Variants in KALRN observed in about 807,000 individuals in gnomAD.
KALRN encodes kalirin.
In KALRN, 70 loss-of-function variants were observed where a neutral mutation model predicts 353.7. That is an observed-to-expected ratio of 0.20 (90% CI 0.16 to 0.24). KALRN has a LOEUF of 0.24. KALRN is among the 10% of genes least tolerant of loss of function. KALRN has a pLI of 1.00. For synonymous variants in KALRN, 1,391 were observed against 1,434.8 expected (o/e 0.97, Z 0.69); for missense variants, 2,791 against 3,756.7 (o/e 0.74, Z 6.72).
At chr3:124,326,446 T>G (rs535492140) in intron 7 of KALRN, among the ~76,000 whole-genome samples, 17 of 152,320 alleles carry the variant, frequency 1.1e-4, no homozygotes, top group African/African-American at 3.8e-4. Flanking sequence ...TTGGTAGTGG[T>G]TGCATGTGCG....
intron 1 of KALRN, among the ~76,000 whole-genome samples, chr3:124,051,515 G>C (rs2041045282): frequency 6.6e-6 from 1 of 152,290 alleles, no homozygotes; most frequent in Admixed American, 6.5e-5. Flanking sequence ...CAAGGATGTG[G>C]TAAATAAGAC....
At chr3:124,446,939 C>A in intron 21 of KALRN, 54 bp downstream of exon 21, 1 of 1,586,420 alleles carries the variant, frequency 6.3e-7, no homozygotes, top group South Asian at 1.1e-5. Flanking sequence ...TCCATTCTGG[C>A]CAATTTCACA....
intron 33 of KALRN, among the ~76,000 whole-genome samples, chr3:124,508,083 A>G (rs1416584711): frequency 1.3e-5 from 2 of 152,212 alleles, no homozygotes; most frequent in African/African-American, 4.8e-5. Context: ...TCTTATTTCT[A>G]TAGATAAAAT....
intron 33 of KALRN, chr3:124,519,570 G>T: frequency 1.0e-6 from 1 of 985,336 alleles, no homozygotes; most frequent in Non-Finnish European, 1.2e-6. Context: ...GGAGGGCAGG[G>T]TAAAGGGATC....
At position 124,279,222 on chromosome 3, in the gene KALRN, G is replaced by A. The variant is rs374351852; in HGVS notation, c.969+9967G>A. Among the ~76,000 whole-genome samples, 25 of 152,332 alleles carry A rather than the reference G, an allele frequency of 1.6e-4. No individual in the cohort carries two copies. The South Asian group carries it at 5.2e-3, about 32-fold the overall frequency. ...TCCCTGCTGGGCCACTTGTAGCTGA[G>A]TGACTGTGTTCAGTTCACCCCCTCT... On this transcript the variant is annotated intron_variant, in intron 5 of 59. Transcript: ENST00000682506.
At chr3:124,563,457 A>C (rs2072319629) in intron 34 of KALRN, among the ~76,000 whole-genome samples, 1 of 151,664 alleles carries the variant, frequency 6.6e-6, no homozygotes, top group Non-Finnish European at 1.5e-5. Flanking sequence ...CCACTGACCC[A>C]CTCCCGCTCC....
At chr3:124,444,191 C>T (rs2093755410) in intron 19 of KALRN, among the ~76,000 whole-genome samples, 1 of 152,216 alleles carries the variant, frequency 6.6e-6, no homozygotes, top group Non-Finnish European at 1.5e-5. Context: ...GTCTAGCTAG[C>T]TTGGCTCCTT....
In KALRN at chr3:124,666,558, A is replaced by G. The variant is rs1484942723; in HGVS notation, c.6455A>G (p.Glu2152Gly). ...AAAGAGAGGCGCGTGTTCCTCTTCG[A>G]GCAGATTGTCATCTTCAGTGAACTG... ...RTKERRVFLF[E>G]QIVIFSELLR... Residue 2152 changes from glutamate (E) to glycine (G), a missense_variant, in exon 46 of 60, where the codon GAG becomes GGG. Coordinates refer to ENST00000682506, the MANE Select transcript of KALRN (RefSeq NM_001388419.1). The G allele has an allele frequency of 6.2e-7, 1 of 1,614,028 alleles. No homozygotes were observed. The highest frequency in any genetic ancestry group is 1.1e-5 in the South Asian group (1 of 91,080).
At chr3:124,272,159 TA>T (rs1338470985) in intron 5 of KALRN, among the ~76,000 whole-genome samples, 2 of 152,184 alleles carry the variant, frequency 1.3e-5, no homozygotes, top group African/African-American at 4.8e-5. Context: ...AATTAAACGT[TA>T]AAAATAAAAT....
At chr3:124,362,082 G>A (rs1422620633) in intron 10 of KALRN, among the ~76,000 whole-genome samples, 1 of 152,086 alleles carries the variant, frequency 6.6e-6, no homozygotes, top group African/African-American at 2.4e-5. Flanking sequence ...GGGCTGATGG[G>A]TAAGAGATTT....
At chr3:124,413,425 C>A (rs1161744413) in intron 13 of KALRN, 45 bp from the exon 14 acceptor site, 3 of 1,529,346 alleles carry the variant, frequency 2.0e-6, no homozygotes, top group Non-Finnish European at 2.7e-6. Flanking sequence ...AACAATCTCT[C>A]GTGGACCTGG....
chr3:124,299,086 T>C (rs1476906535), intron 6 of KALRN, among the ~76,000 whole-genome samples, 173 bp downstream of exon 6: 1 of 152,242 alleles, frequency 6.6e-6, no homozygotes, highest in Non-Finnish European at 1.5e-5. Flanking sequence ...CAGCCAGCTG[T>C]TCCTGCAGCA....
At position 124,720,585 on chromosome 3, in the gene KALRN, T is replaced by G. The variant is rs1487574406; in HGVS notation, c.*1115T>G. 1 of 152,644 alleles carries G rather than the reference T, an allele frequency of 6.6e-6. No individual in the cohort carries two copies. The highest frequency in any genetic ancestry group is 1.5e-5 in the Non-Finnish European group (1 of 68,028). The allele number at this position is 152,644 out of a possible 1,614,324, so 9.5% of individuals were successfully genotyped here. A position where few individuals can be genotyped will look rare whatever the true frequency, so the allele number is the denominator to read the frequency against. On this transcript the variant is annotated 3_prime_UTR_variant, in exon 60 of 60. Coordinates refer to ENST00000682506, the MANE Select transcript of KALRN (RefSeq NM_001388419.1). ...CTTTTAAAGGCCTGGTTCTAAGTCC[T>G]TTTTAAAGCCATGGAACAAAACCTG...
rs188816112 is a variant in KALRN, at chr3:124,419,936, C to T, written c.2543-2876C>T. On this transcript the variant is annotated intron_variant, in intron 14 of 59. Transcript: ENST00000682506. The stretch of plus-strand genomic sequence containing the variant: ...AACACAAGCAAACTCTGCCTGCTGC[C>T]GATTGACAGATATTTACCATTTGAT... 5.3e-5 allele frequency among the ~76,000 whole-genome samples: 8 copies of T among 152,242 alleles called. No homozygotes were observed. In the East Asian group the frequency reaches 1.4e-3, roughly 26 times the overall value.
At chr3:124,549,281 T>C (rs1231368842) in intron 33 of KALRN, among the ~76,000 whole-genome samples, 1 of 151,084 alleles carries the variant, frequency 6.6e-6, no homozygotes, top group African/African-American at 2.4e-5. Context: ...GGACTAGAAA[T>C]ACTGACTTTT....
At chr3:124,163,520 A>G in intron 1 of KALRN, 4 of 829,542 alleles carry the variant, frequency 4.8e-6, no homozygotes, top group Non-Finnish European at 5.8e-6. Flanking sequence ...CTAATGCTGC[A>G]TTATGGCATG....
intron 9 of KALRN, among the ~76,000 whole-genome samples, chr3:124,340,663 A>T (rs941943383): frequency 2.6e-5 from 4 of 152,046 alleles, no homozygotes; most frequent in Non-Finnish European, 1.5e-5. Flanking sequence ...TCTTCAAAAG[A>T]ACATTTTCCA....
chr3:124,136,933 G>A (rs1278147792), intron 1 of KALRN, among the ~76,000 whole-genome samples: 3 of 152,206 alleles, frequency 2.0e-5, no homozygotes, highest in East Asian at 3.9e-4. Flanking sequence ...GATGCCAGAG[G>A]TGGGGAGCGA....
chr3:124,296,741 C>T (rs2076876795), intron 5 of KALRN, among the ~76,000 whole-genome samples: 1 of 152,242 alleles, frequency 6.6e-6, no homozygotes, highest in African/African-American at 2.4e-5. Context: ...TCCAGAAACA[C>T]AGCTGAGGAC....
Sources: allele counts gnomAD v4.1 joint callset (sites outside exome capture counted in the v4.1 genomes callset), GRCh38; gene constraint gnomAD v4.1.1; transcripts MANE v1.5; gene names NCBI Gene and HGNC (gene_info 2026-07-23, HGNC 2026-07-21).